Variants in PEPD observed in about 807,000 individuals in gnomAD.
PEPD encodes the protein xaa-Pro dipeptidase.
A neutral mutation model predicts 60.7 loss-of-function variants in PEPD; 53 were observed. That is an observed-to-expected ratio of 0.87 (90% CI 0.70 to 1.10). PEPD has a LOEUF of 1.10. Among genes scored for constraint, PEPD ranks in the 50% least tolerant of loss-of-function variants. The probability of loss-of-function intolerance (pLI) is 0.00; values close to 1 mark genes in which losing one functional copy is unlikely to be tolerated. For missense variants in PEPD, 711 were observed against 711.9 expected (o/e 1.00, Z 0.01); for synonymous variants, 267 against 284.1 (o/e 0.94, Z 0.60).
intron 9 of PEPD, among the ~76,000 whole-genome samples, chr19:33,424,102 C>T (rs1190218342): frequency 6.6e-6 from 1 of 152,222 alleles, no homozygotes; most frequent in Non-Finnish European, 1.5e-5. Context: ...GTCACCTGCT[C>T]CTGTGCTGGG....
chr19:33,521,274 T>C lies in PEPD; in HGVS notation c.17+470A>G, dbSNP rs574058679. 3.3e-5 allele frequency among the ~76,000 whole-genome samples: 5 copies of C among 152,308 alleles called. No individual in the cohort carries two copies. The South Asian group carries it at 6.2e-4, about 19-fold the overall frequency. ...GATGATGAGGGCACAAAAAGTGGGA[T>C]AGATGGTTAGAGAAGGATTCCCTGA... On this transcript the variant is annotated intron_variant, in intron 1 of 14. Coordinates refer to ENST00000244137, the MANE Select transcript of PEPD (RefSeq NM_000285.4).
intron 9 of PEPD, among the ~76,000 whole-genome samples, chr19:33,421,733 G>A (rs952738927): frequency 1.3e-5 from 2 of 152,080 alleles, no homozygotes; most frequent in African/African-American, 2.4e-5. Context: ...GGGCTCAAGC[G>A]ATCCTCCCAC....
intron 7 of PEPD, among the ~76,000 whole-genome samples, chr19:33,476,439 G>A (rs1042901601): frequency 4.6e-5 from 7 of 152,006 alleles, no homozygotes; most frequent in Admixed American, 2.0e-4. Flanking sequence ...CTAGCTATGC[G>A]GGACAAAAAC....
chr19:33,495,111 G>A (rs1034255452), intron 4 of PEPD, among the ~76,000 whole-genome samples: 16 of 151,732 alleles, frequency 1.1e-4, no homozygotes, highest in Non-Finnish European at 2.4e-4. Context: ...ACTCCAGCCT[G>A]GGCAACAGAG....
intron 9 of PEPD, among the ~76,000 whole-genome samples, chr19:33,457,686 A>AT (rs1969829344): frequency 6.6e-6 from 1 of 152,122 alleles, no homozygotes; most frequent in African/African-American, 2.4e-5. Flanking sequence ...AATTTTTTGT[A>AT]TTTTTAGTAG....
At chr19:33,438,149 G>A (rs1256177455) in intron 9 of PEPD, among the ~76,000 whole-genome samples, 1 of 152,198 alleles carries the variant, frequency 6.6e-6, no homozygotes, top group Non-Finnish European at 1.5e-5. Flanking sequence ...ACCCAGCTGG[G>A]ATCTCAGAGG....
chr19:33,387,987 T>C lies in PEPD; in HGVS notation c.1247A>G (p.Tyr416Cys). 6.3e-7 allele frequency: 1 copy of C among 1,589,510 alleles called. No homozygotes were observed. The change falls in exon 14 of 15, where the codon TAC becomes TGC. Residue 416 changes from tyrosine (Y) to cysteine (C), a missense_variant. Tyr to Cys is a radical substitution (Grantham distance 194, BLOSUM62 -2). Transcript: ENST00000244137. ...GMVLTVEPGI[Y>C]FIDHLLDEAL... is the part of the protein sequence containing the mutation. ...CTCATCCAGGAGGTGGTCGATGAAG[T>C]AGATGCCCGGCTCCACGGTGAGCAC...
intron 12 of PEPD, among the ~76,000 whole-genome samples, chr19:33,398,828 C>A (rs556128490): frequency 6.6e-6 from 1 of 152,204 alleles, no homozygotes; most frequent in Non-Finnish European, 1.5e-5. Context: ...TCCTGCACCT[C>A]CTTTATGGTT....
chr19:33,398,526 G>A (rs978785283), intron 12 of PEPD, among the ~76,000 whole-genome samples: 2 of 152,232 alleles, frequency 1.3e-5, no homozygotes, highest in Non-Finnish European at 2.9e-5. Context: ...TCTCCGTGGA[G>A]GGTACAGGAG....
chr19:33,467,989 G>A (rs534404601), intron 7 of PEPD, among the ~76,000 whole-genome samples: 2 of 152,300 alleles, frequency 1.3e-5, no homozygotes, highest in South Asian at 2.1e-4. Context: ...GACGGATACA[G>A]CGCGAGTAAA....
intron 7 of PEPD, among the ~76,000 whole-genome samples, chr19:33,475,577 G>A (rs926845662): frequency 6.6e-6 from 1 of 152,098 alleles, no homozygotes; most frequent in African/African-American, 2.4e-5. Context: ...TCAAAGCCTC[G>A]AAAATGTCAC....
At chr19:33,495,915 A>G (rs1343557662) in intron 4 of PEPD, among the ~76,000 whole-genome samples, 2 of 152,136 alleles carry the variant, frequency 1.3e-5, no homozygotes, top group African/African-American at 4.8e-5. Context: ...TGGGAGGCAG[A>G]GGTTTCAGTG....
chr19:33,467,049 C>T (rs1458515668), intron 7 of PEPD, among the ~76,000 whole-genome samples: 7 of 151,354 alleles, frequency 4.6e-5, no homozygotes, highest in Non-Finnish European at 7.4e-5. Context: ...CCCAGCTACT[C>T]GGGAGGCTGA....
chr19:33,390,371 C>G (rs1968186472), intron 13 of PEPD, among the ~76,000 whole-genome samples: 1 of 152,218 alleles, frequency 6.6e-6, no homozygotes, highest in African/African-American at 2.4e-5. Context: ...TTTGTTTCTC[C>G]AAATTTAACT....
chr19:33,465,385 C>A (rs1242529539), intron 7 of PEPD, among the ~76,000 whole-genome samples: 2 of 152,204 alleles, frequency 1.3e-5, no homozygotes, highest in Admixed American at 1.3e-4. Flanking sequence ...GGACCCGCCG[C>A]ATGGTGGGTC....
Position 33,387,026 on chromosome 19 carries a change from T to A in PEPD, c.*318A>T. On this transcript the variant is annotated 3_prime_UTR_variant, in exon 15 of 15. Coordinates refer to ENST00000244137, the MANE Select transcript of PEPD (RefSeq NM_000285.4). ...TGACAGAAAGTATCAGAAATGCTTC[T>A]TTCCTGGGAAAAGGAATATAAATGA... 2.6e-6 allele frequency: 1 copy of A among 386,670 alleles called. No individual in the cohort carries two copies. The highest frequency in any genetic ancestry group is 3.8e-5 in the South Asian group (1 of 26,296). 24.0% of individuals were successfully genotyped at this position (386,670 alleles called of 1,614,324 possible). A position where few individuals can be genotyped will look rare whatever the true frequency, so the allele number is the denominator to read the frequency against.
Position 33,411,531 on chromosome 19 carries a change from G to A in PEPD, c.818+141C>T, listed in dbSNP as rs565972581. On this transcript the variant is annotated intron_variant, in intron 11 of 14. Transcript: ENST00000244137. ...GCAGGCCGATAGCCTTGGCAGAGAA[G>A]TCTGGGCCAAGAAGCCCAGGGACTT... 4.3e-6 allele frequency: 3 copies of A among 694,138 alleles called. No homozygotes were observed. The South Asian group carries it at 4.6e-5, about 11-fold the overall frequency. The allele number at this position is 694,138 out of a possible 1,614,324, so 43.0% of individuals were successfully genotyped here.
intron 9 of PEPD, among the ~76,000 whole-genome samples, chr19:33,417,460 A>C (rs1003330128): frequency 4.6e-5 from 7 of 152,156 alleles, no homozygotes; most frequent in Non-Finnish European, 1.0e-4. Flanking sequence ...TGGGCCCCAC[A>C]TACCCAGCCT....
intron 2 of PEPD, chr19:33,511,537 T>C (rs1970927207): frequency 2.9e-6 from 1 of 342,606 alleles, no homozygotes; most frequent in Non-Finnish European, 5.7e-6. Context: ...CCAGGCCGGA[T>C]ATCTGCACAG....
Sources: allele counts gnomAD v4.1 joint callset (sites outside exome capture counted in the v4.1 genomes callset), GRCh38; gene constraint gnomAD v4.1.1; transcripts MANE v1.5; gene names NCBI Gene and HGNC (gene_info 2026-07-23, HGNC 2026-07-21).